CAMTA1: variants seen among roughly 807,000 people sequenced by gnomAD.
CAMTA1 encodes calmodulin-binding transcription activator 1.
Under a neutral mutation model 170.9 loss-of-function variants are expected in CAMTA1, and 27 were observed. The observed-to-expected ratio is 0.16, with a 90% CI of 0.12 to 0.22. The LOEUF is 0.22. Among genes scored for constraint, CAMTA1 ranks in the 10% least tolerant of loss-of-function variants. The probability of loss-of-function intolerance (pLI) is 1.00; values close to 1 mark genes in which losing one functional copy is unlikely to be tolerated. For missense variants in CAMTA1, 1,619 were observed against 2,217.2 expected (o/e 0.73, Z 5.42); for synonymous variants, 833 against 891.5 (o/e 0.93, Z 1.17).
At chr1:7,568,349 A>AT (rs1207189278) in intron 6 of CAMTA1, among the ~76,000 whole-genome samples, 2 of 150,346 alleles carry the variant, frequency 1.3e-5, no homozygotes, top group African/African-American at 2.5e-5. Flanking sequence ...TCACCACATC[A>AT]CCATCATCGA....
intron 5 of CAMTA1, among the ~76,000 whole-genome samples, chr1:7,420,417 T>C (rs1002531560): frequency 6.6e-6 from 1 of 152,138 alleles, no homozygotes; most frequent in African/African-American, 2.4e-5. Flanking sequence ...TCCACTAGAG[T>C]GGAGCTTCGT....
chr1:7,076,545 G>A (rs887231854), intron 3 of CAMTA1, among the ~76,000 whole-genome samples: 1 of 152,148 alleles, frequency 6.6e-6, no homozygotes, highest in Non-Finnish European at 1.5e-5. Flanking sequence ...TAAGGATAGG[G>A]CCCATCTGGT....
chr1:6,883,857 T>C (rs1318275046), intron 3 of CAMTA1, among the ~76,000 whole-genome samples: 1 of 152,216 alleles, frequency 6.6e-6, no homozygotes, highest in Non-Finnish European at 1.5e-5. Flanking sequence ...GAAACTAATT[T>C]TAATAATATA....
intron 11 of CAMTA1, among the ~76,000 whole-genome samples, chr1:7,687,978 T>C (rs1181758133): frequency 1.3e-5 from 2 of 149,374 alleles, no homozygotes; most frequent in African/African-American, 2.5e-5. Flanking sequence ...ACGCCCCAGC[T>C]CCTAAATCGA....
At chr1:6,998,892 ATTTC>A (rs1250981761) in intron 3 of CAMTA1, among the ~76,000 whole-genome samples, 1 of 152,104 alleles carries the variant, frequency 6.6e-6, no homozygotes, top group African/African-American at 2.4e-5. Flanking sequence ...TCATTTATTC[ATTTC>A]TTTCTACCTT....
intron 4 of CAMTA1, among the ~76,000 whole-genome samples, chr1:7,153,625 T>C (rs1646701672): frequency 1.3e-5 from 2 of 152,002 alleles, no homozygotes; most frequent in Non-Finnish European, 2.9e-5. Context: ...AGGGAAAAGA[T>C]GAGGCGAGTG....
At chr1:7,315,953 A>G (rs1197452714) in intron 5 of CAMTA1, among the ~76,000 whole-genome samples, 1 of 152,234 alleles carries the variant, frequency 6.6e-6, no homozygotes. Context: ...TCACGGTTCC[A>G]TATGGCTGGG....
Position 7,092,110 on chromosome 1 carries a change from TA to T in CAMTA1, c.302+741del, listed in dbSNP as rs1488597082. On this transcript the variant is annotated intron_variant, in intron 4 of 22. Coordinates refer to ENST00000303635, the MANE Select transcript of CAMTA1 (RefSeq NM_015215.4). The surrounding 1 kb of genome is among the most constrained non-coding windows in gnomAD (Gnocchi z 5.0). ...CATGGCCACTCTCTTCCAATTGCCG[TA>T]AGTTTTCTGTTAGCAGTGACAGGAC... Among the ~76,000 whole-genome samples, 2 of 152,228 alleles carry T rather than the reference TA, an allele frequency of 1.3e-5. No homozygotes were observed. Among genetic ancestry groups the T allele is most frequent in the African/African-American group, 2.4e-5 (1 of 41,454 alleles).
intron 16 of CAMTA1, among the ~76,000 whole-genome samples, chr1:7,743,531 G>A (rs1447965420): frequency 2.0e-5 from 3 of 152,040 alleles, no homozygotes; most frequent in Non-Finnish European, 4.4e-5. Context: ...ATCCCCAGAG[G>A]TTTGCTTTTT....
intron 1 of CAMTA1, among the ~76,000 whole-genome samples, chr1:6,796,294 T>G (rs563096550): frequency 6.6e-6 from 1 of 151,954 alleles, no homozygotes; most frequent in African/African-American, 2.4e-5. Context: ...CGCGCCACCA[T>G]GCCTGGCTAA....
chr1:7,130,373 T>C (rs78137290), intron 4 of CAMTA1, among the ~76,000 whole-genome samples: 2,197 of 152,352 alleles, frequency 0.014, 60 homozygotes, highest in African/African-American at 0.049. Flanking sequence ...TCTATTCACT[T>C]GTTCGTGCAT....
At chr1:7,555,792 C>A (rs1214326517) in intron 6 of CAMTA1, among the ~76,000 whole-genome samples, 1 of 152,174 alleles carries the variant, frequency 6.6e-6, no homozygotes, top group Non-Finnish European at 1.5e-5. Flanking sequence ...ACATTCCACC[C>A]CCAGGTCACC....
chr1:7,744,786 T>C, intron 16 of CAMTA1, 49 bp from the exon 17 acceptor site: 1 of 1,549,402 alleles, frequency 6.5e-7, no homozygotes, highest in Non-Finnish European at 8.8e-7. Flanking sequence ...CCTGGATAAC[T>C]TGTAAGGTTC....
rs1050406175 is a variant in CAMTA1, at chr1:7,251,186, T to G, written c.438+1560T>G. On this transcript the variant is annotated intron_variant, in intron 5 of 22. Transcript: ENST00000303635. This position sits in a 1 kb window ranked among gnomAD's most constrained non-coding sequence, Gnocchi z 5.1. ...TAATACGTACATCAGGAACTTCTGC[T>G]CGTGAGTAACAGCCGGGTGGAATTC... Among the ~76,000 whole-genome samples the G allele has an allele frequency of 6.6e-6, 1 of 152,130 alleles. No individual in the cohort carries two copies. Among genetic ancestry groups the G allele is most frequent in the African/African-American group, 2.4e-5 (1 of 41,416 alleles).
chr1:7,352,932 C>T (rs2084798440), intron 5 of CAMTA1, among the ~76,000 whole-genome samples: 1 of 152,224 alleles, frequency 6.6e-6, no homozygotes. Context: ...ACGGTGCCTC[C>T]TCCTTGGGAT....
intron 6 of CAMTA1, among the ~76,000 whole-genome samples, chr1:7,539,173 T>C (rs140802116): frequency 4.4e-4 from 67 of 152,332 alleles, no homozygotes; most frequent in African/African-American, 1.5e-3. Flanking sequence ...ATGTATGACT[T>C]TTCTTGAAGA....
intron 3 of CAMTA1, among the ~76,000 whole-genome samples, chr1:6,962,839 C>T (rs1356994987): frequency 6.7e-6 from 1 of 149,700 alleles, no homozygotes; most frequent in Non-Finnish European, 1.5e-5. Flanking sequence ...GCCCCACCCA[C>T]TCCCCTGCTT....
At chr1:7,310,704 T>TCTCTCTCTC (rs748448606) in intron 5 of CAMTA1, among the ~76,000 whole-genome samples, 4 of 34,760 alleles carry the variant, frequency 1.2e-4, no homozygotes, top group South Asian at 9.3e-4. Context: ...CTCTCTCTCT[T>TCTCTCTCTC]TCTTTCTTTC....
chr1:6,872,395 G>C (rs1184867254), intron 3 of CAMTA1, among the ~76,000 whole-genome samples: 2 of 152,120 alleles, frequency 1.3e-5, no homozygotes, highest in Non-Finnish European at 2.9e-5. Flanking sequence ...GGGAGAAAAA[G>C]CTTAGACTTT....
Sources: gnomAD v4.1 joint callset for allele counts (sites outside exome capture counted in the v4.1 genomes callset) on GRCh38, gnomAD v4.1.1 for gene constraint, Gnocchi (gnomAD v3.1) non-coding constraint, MANE v1.5 for transcripts, NCBI Gene and HGNC (gene_info 2026-07-23, HGNC 2026-07-21) for gene names.